BEND3: variants seen among roughly 807,000 people sequenced by gnomAD.
BEND3 encodes BEN domain-containing protein 3.
Under a neutral mutation model 60.1 loss-of-function variants are expected in BEND3, and 13 were observed. That is an observed-to-expected ratio of 0.22 (90% CI 0.14 to 0.34). The LOEUF (loss-of-function observed/expected upper bound fraction) is 0.34. Ranked by LOEUF, BEND3 falls within the 10% of genes least tolerant of loss-of-function variation. BEND3 has a pLI of 1.00. For missense variants in BEND3, 896 were observed against 1,138.1 expected, an observed-to-expected ratio of 0.79 and a Z score of 3.06; for synonymous variants, 497 against 491.5, an observed-to-expected ratio of 1.01 and a Z score of -0.15.
intron 3 of BEND3, among the ~76,000 whole-genome samples, chr6:107,084,524 G>A (rs1775299793): frequency 6.6e-6 from 1 of 151,214 alleles, no homozygotes; most frequent in African/African-American, 2.4e-5. Context: ...AGCACTCTGT[G>A]TATAGCCAAA....
rs371037521 is a variant in BEND3, at chr6:107,113,779, A to G, written c.-12+1311T>C. 4.6e-5 allele frequency: 7 copies of G among 152,222 alleles called. 1 individual carries two copies. Among genetic ancestry groups the G allele is most frequent in the Admixed American group, 1.3e-4 (2 of 15,274 alleles). 9.4% of individuals were successfully genotyped at this position (152,222 alleles called of 1,614,324 possible). A position where few individuals can be genotyped will look rare whatever the true frequency, so the allele number is the denominator to read the frequency against. On this transcript the variant is annotated intron_variant, in intron 1 of 3. Coordinates refer to ENST00000369042, the MANE Select transcript of BEND3 (RefSeq NM_001367314.1). ...GAATGGTTTAAAAAAAAAAGAGAGA[A>G]AAACGGACTGCAAGGGTGGAAGTGG...
At chr6:107,096,998 C>T (rs956366879) in intron 3 of BEND3, among the ~76,000 whole-genome samples, 1 of 151,332 alleles carries the variant, frequency 6.6e-6, no homozygotes, top group Non-Finnish European at 1.5e-5. Context: ...CAAAAACAAA[C>T]AAACAAACAA....
rs1221630912 is a variant in BEND3, at chr6:107,066,283, T to C, written c.*2421A>G. ...AAAATGCCCACTGGAGCCACCTGTA[T>C]GGATGGAGAAGTGAGGACACCATAC... On this transcript the variant is annotated 3_prime_UTR_variant, in exon 4 of 4. Transcript: ENST00000369042. The C allele has an allele frequency of 6.6e-6, 1 of 151,236 alleles. No homozygotes were observed. Among genetic ancestry groups the C allele is most frequent in the Non-Finnish European group, 1.5e-5 (1 of 68,020 alleles). 9.4% of individuals were successfully genotyped at this position (151,236 alleles called of 1,614,324 possible). A position where few individuals can be genotyped will look rare whatever the true frequency, so the allele number is the denominator to read the frequency against.
intron 3 of BEND3, among the ~76,000 whole-genome samples, chr6:107,083,801 T>C (rs1461124761): frequency 1.3e-5 from 2 of 151,682 alleles, no homozygotes; most frequent in African/African-American, 4.8e-5. Context: ...AAACAAAATG[T>C]GGTGAGGCTG....
At chr6:107,110,706 C>T (rs1554238267) in intron 1 of BEND3, among the ~76,000 whole-genome samples, 1 of 151,968 alleles carries the variant, frequency 6.6e-6, no homozygotes, top group Non-Finnish European at 1.5e-5. Flanking sequence ...GATTACCCAC[C>T]ACCATACCTG....
chr6:107,111,223 C>A (rs1387516309), intron 1 of BEND3, among the ~76,000 whole-genome samples: 6 of 151,852 alleles, frequency 4.0e-5, no homozygotes, highest in Admixed American at 3.9e-4. Flanking sequence ...AAAGATAACA[C>A]ATGTAGGCTA....
At chr6:107,112,619 C>T (rs1258096318) in intron 1 of BEND3, among the ~76,000 whole-genome samples, 5 of 152,064 alleles carry the variant, frequency 3.3e-5, no homozygotes, top group Non-Finnish European at 7.4e-5. Flanking sequence ...TTTGGGAGGC[C>T]GAAGCTGGCG....
intron 3 of BEND3, among the ~76,000 whole-genome samples, chr6:107,086,353 A>G (rs1365510542): frequency 6.6e-6 from 1 of 151,920 alleles, no homozygotes; most frequent in African/African-American, 2.4e-5. Flanking sequence ...GGCCAGGCGC[A>G]TGTTGGTAAT....
intron 1 of BEND3, among the ~76,000 whole-genome samples, chr6:107,099,549 A>G (rs1218020240): frequency 6.6e-6 from 1 of 152,248 alleles, no homozygotes; most frequent in East Asian, 1.9e-4. Context: ...ATCCACTGAT[A>G]GCCACTTACT....
At chr6:107,092,589 C>T (rs1775499303) in intron 3 of BEND3, among the ~76,000 whole-genome samples, 1 of 152,126 alleles carries the variant, frequency 6.6e-6, no homozygotes, top group Non-Finnish European at 1.5e-5. Flanking sequence ...TCTCCCTCTC[C>T]TCATTCCTTT....
At chr6:107,096,632 T>G (rs1775591607) in intron 3 of BEND3, among the ~76,000 whole-genome samples, 1 of 151,548 alleles carries the variant, frequency 6.6e-6, no homozygotes, top group Non-Finnish European at 1.5e-5. Flanking sequence ...AATCAATCAA[T>G]TAAAAATAAA....
chr6:107,084,669 G>T (rs952931917), intron 3 of BEND3, among the ~76,000 whole-genome samples: 39 of 151,116 alleles, frequency 2.6e-4, no homozygotes, highest in African/African-American at 8.3e-4. Context: ...TCAGCACTCT[G>T]TAAAACTGCA....
chr6:107,079,451 A>C (rs557145122), intron 3 of BEND3, among the ~76,000 whole-genome samples: 2 of 152,324 alleles, frequency 1.3e-5, no homozygotes, highest in African/African-American at 4.8e-5. Context: ...GCCTATAGAC[A>C]GGAGCAAAAC....
At position 107,070,385 on chromosome 6, in the gene BEND3, C is replaced by T. The variant is rs781968033; in HGVS notation, c.806G>A (p.Arg269His). The T allele has an allele frequency of 1.1e-5, 17 of 1,613,610 alleles. No individual in the cohort carries two copies. The Admixed American group carries it at 2.2e-4, about 21-fold the overall frequency. Reference sequence around the variant, plus strand: ...CTCGGGGAAGAGCTGCACCAGCAAGCGGCAGGCCAGGTCCCCCCCTGACAG... The same window carrying T: ...CTCGGGGAAGAGCTGCACCAGCAAGTGGCAGGCCAGGTCCCCCCCTGACAG... ...QSLSGGDLAC[R>H]LLVQLFPELF... The change falls in exon 4 of 4, where the codon CGC becomes CAC. Residue 269 changes from arginine (R) to histidine (H), a missense_variant. Transcript: ENST00000369042. The surrounding 1 kb of genome is among the most constrained non-coding windows in gnomAD (Gnocchi z 6.9).
At chr6:107,087,233 T>C (rs1404802367) in intron 3 of BEND3, among the ~76,000 whole-genome samples, 5 of 151,504 alleles carry the variant, frequency 3.3e-5, no homozygotes, top group African/African-American at 9.7e-5. Context: ...GCAGGAGAAT[T>C]GCTTGAATCT....
chr6:107,078,553 C>A (rs1554233045), intron 3 of BEND3, among the ~76,000 whole-genome samples: 1 of 146,578 alleles, frequency 6.8e-6, no homozygotes, highest in Non-Finnish European at 1.5e-5. Flanking sequence ...CTCCTGGGTT[C>A]ATGCCATTCT....
intron 3 of BEND3, among the ~76,000 whole-genome samples, chr6:107,096,286 T>C (rs1775583682): frequency 6.6e-6 from 1 of 152,184 alleles, no homozygotes; most frequent in African/African-American, 2.4e-5. Context: ...CAGACACATA[T>C]GGCCATAGAA....
At chr6:107,099,195 T>G in intron 2 of BEND3, 54 bp downstream of exon 2, 1 of 1,407,040 alleles carries the variant, frequency 7.1e-7, no homozygotes, top group Non-Finnish European at 1.0e-6. Context: ...ATGTATGACC[T>G]GATCAAAAGT....
At chr6:107,105,791 C>T (rs932711711) in intron 1 of BEND3, among the ~76,000 whole-genome samples, 1 of 152,180 alleles carries the variant, frequency 6.6e-6, no homozygotes, top group African/African-American at 2.4e-5. Flanking sequence ...AGGTGCCAGT[C>T]CAGGAAGACC....
Sources: gnomAD v4.1 joint callset for allele counts (sites outside exome capture counted in the v4.1 genomes callset) on GRCh38, gnomAD v4.1.1 for gene constraint, Gnocchi (gnomAD v3.1) non-coding constraint, MANE v1.5 for transcripts, NCBI Gene and HGNC (gene_info 2026-07-23, HGNC 2026-07-21) for gene names.